Variants in RAB30 observed in about 807,000 individuals in gnomAD.
RAB30 encodes the protein RAB30, member RAS oncogene family.
A neutral mutation model predicts 25.1 loss-of-function variants in RAB30; 9 were observed. The observed-to-expected ratio is 0.36, with a 90% CI of 0.22 to 0.63. The LOEUF (loss-of-function observed/expected upper bound fraction) is 0.63. Among genes scored for constraint, RAB30 ranks in the 20% least tolerant of loss-of-function variants. RAB30 has a pLI of 0.69. For synonymous variants in RAB30, 77 were observed against 86.4 expected, an observed-to-expected ratio of 0.89 and a Z score of 0.60; for missense variants, 140 against 243.5, an observed-to-expected ratio of 0.58 and a Z score of 2.83.
intron 1 of RAB30, among the ~76,000 whole-genome samples, chr11:83,048,884 A>G (rs1858291063): frequency 6.6e-6 from 1 of 152,202 alleles, no homozygotes; most frequent in African/African-American, 2.4e-5. Flanking sequence ...GGGCCCCAGC[A>G]TGGCCCTGAG....
chr11:83,033,025 T>C (rs1857907028), intron 1 of RAB30, among the ~76,000 whole-genome samples: 1 of 151,678 alleles, frequency 6.6e-6, no homozygotes, highest in South Asian at 2.1e-4. Context: ...GAGTTTCAGC[T>C]TGCCCTAGGG....
chr11:83,055,133 A>G (rs1165072302), intron 1 of RAB30, among the ~76,000 whole-genome samples: 1 of 152,250 alleles, frequency 6.6e-6, no homozygotes, highest in Non-Finnish European at 1.5e-5. Context: ...CAATTTCTGC[A>G]TCTGCATCTG....
At chr11:83,010,927 G>A (rs1857289159) in intron 1 of RAB30, among the ~76,000 whole-genome samples, 1 of 152,140 alleles carries the variant, frequency 6.6e-6, no homozygotes, top group Admixed American at 6.5e-5. Context: ...TATGAAAACT[G>A]TGTAGAAAAA....
At chr11:82,988,276 G>T in intron 3 of RAB30, among the ~76,000 whole-genome samples, 1 of 152,304 alleles carries the variant, frequency 6.6e-6, no homozygotes, top group South Asian at 2.1e-4. Flanking sequence ...TGTGGTCCCA[G>T]AGTCCCCGTT....
At chr11:83,017,772 T>A (rs1312713374) in intron 1 of RAB30, among the ~76,000 whole-genome samples, 1 of 152,230 alleles carries the variant, frequency 6.6e-6, no homozygotes, top group African/African-American at 2.4e-5. Context: ...CTTTATCTGC[T>A]CATTGGTTGA....
chr11:83,054,303 T>C (rs183874401), intron 1 of RAB30, among the ~76,000 whole-genome samples: 1 of 152,330 alleles, frequency 6.6e-6, no homozygotes, highest in Admixed American at 6.5e-5. Flanking sequence ...CTCTTTTACG[T>C]CTCTTTCTTT....
chr11:82,997,193 G>A, intron 2 of RAB30, 31 bp downstream of exon 2: 1 of 1,554,880 alleles, frequency 6.4e-7, no homozygotes, highest in African/African-American at 1.4e-5. Context: ...CCCAACCCTG[G>A]GCTTACGAGT....
At chr11:83,002,071 CAA>C (rs1857098699) in intron 1 of RAB30, among the ~76,000 whole-genome samples, 1 of 152,164 alleles carries the variant, frequency 6.6e-6, no homozygotes, top group Non-Finnish European at 1.5e-5. Flanking sequence ...GAACAGGATT[CAA>C]ACCTAGATCC....
intron 1 of RAB30, among the ~76,000 whole-genome samples, chr11:83,018,254 G>T (rs1857483465): frequency 6.9e-6 from 1 of 145,354 alleles, no homozygotes. Flanking sequence ...AGCCAAGATT[G>T]TGCCACTGCA....
chr11:83,010,884 A>G (rs1272149295), intron 1 of RAB30, among the ~76,000 whole-genome samples: 1 of 152,246 alleles, frequency 6.6e-6, no homozygotes, highest in Non-Finnish European at 1.5e-5. Context: ...CATCAACACC[A>G]TGGGATGCAA....
Position 83,059,537 on chromosome 11 carries a change from G to A in RAB30, c.-9+12154C>T, listed in dbSNP as rs1858522991. Among the ~76,000 whole-genome samples, 3 of 152,296 alleles carry A rather than the reference G, an allele frequency of 2.0e-5. No homozygotes were observed. The South Asian group carries it at 6.2e-4, about 32-fold the overall frequency. ...GTGCTTTCTTTTTAAATTGGTTTCA[G>A]CAAGTGACATTCTGTTCATGGTCCA... On this transcript the variant is annotated intron_variant, in intron 1 of 4. Transcript: ENST00000527633.
intron 4 of RAB30, 38 bp downstream of exon 4, chr11:82,987,549 C>G: frequency 6.4e-7 from 1 of 1,559,506 alleles, no homozygotes; most frequent in Non-Finnish European, 8.8e-7. Flanking sequence ...CCTCTAATGC[C>G]CACAAATCAA....
At chr11:83,033,544 CACTT>C (rs1252076341) in intron 1 of RAB30, among the ~76,000 whole-genome samples, 3 of 152,182 alleles carry the variant, frequency 2.0e-5, no homozygotes, top group African/African-American at 4.8e-5. Flanking sequence ...TAATTTATCT[CACTT>C]AATCCCTACA....
At chr11:83,060,573 A>C (rs1477160568) in intron 1 of RAB30, among the ~76,000 whole-genome samples, 1 of 152,216 alleles carries the variant, frequency 6.6e-6, no homozygotes, top group Non-Finnish European at 1.5e-5. Flanking sequence ...CATTGCAAAA[A>C]ATTCTCACCA....
intron 1 of RAB30, among the ~76,000 whole-genome samples, chr11:83,003,208 G>A (rs889407384): frequency 3.3e-5 from 5 of 152,152 alleles, no homozygotes; most frequent in African/African-American, 7.2e-5. Flanking sequence ...AGTGAGTTAC[G>A]TGAGAGGCAA....
rs143863975 is a variant in RAB30, at chr11:83,010,848, T to C, written c.-8-13524A>G. ...AGTAAAGAACTAGAAACAATCAAAA[T>C]GTCCAAAGGAAAGTTCCATATAGAA... On this transcript the variant is annotated intron_variant, in intron 1 of 4. Coordinates refer to ENST00000527633, the MANE Select transcript of RAB30 (RefSeq NM_001286060.2). Among the ~76,000 whole-genome samples the C allele has an allele frequency of 2.2e-3, 341 of 152,280 alleles. 3 individuals are homozygous for C. Among genetic ancestry groups the C allele is most frequent in the African/African-American group, 7.8e-3 (326 of 41,560 alleles).
intron 2 of RAB30, among the ~76,000 whole-genome samples, chr11:82,996,169 T>C (rs1018597839): frequency 1.3e-5 from 2 of 152,210 alleles, no homozygotes; most frequent in Non-Finnish European, 2.9e-5. Context: ...GGAAAAACCC[T>C]GACATTTCCA....
intron 1 of RAB30, among the ~76,000 whole-genome samples, chr11:83,066,431 A>ATT (rs34999038): frequency 2.0e-5 from 3 of 152,108 alleles, no homozygotes; most frequent in Non-Finnish European, 4.4e-5. Context: ...AATTAGAATG[A>ATT]TTTTTTTGAG....
intron 1 of RAB30, among the ~76,000 whole-genome samples, chr11:83,031,956 G>C (rs954493791): frequency 6.6e-6 from 1 of 152,200 alleles, no homozygotes; most frequent in Non-Finnish European, 1.5e-5. Context: ...GTTTGGGTTA[G>C]TTGGTGACGT....
Sources: gnomAD v4.1 joint callset for allele counts (sites outside exome capture counted in the v4.1 genomes callset) on GRCh38, gnomAD v4.1.1 for gene constraint, MANE v1.5 for transcripts, NCBI Gene and HGNC (gene_info 2026-07-23, HGNC 2026-07-21) for gene names.